Variants in SLC43A1 observed in about 807,000 individuals in gnomAD.
SLC43A1 encodes solute carrier family 43 member 1.
In SLC43A1, 31 loss-of-function variants were observed where a neutral mutation model predicts 59.5. That is an observed-to-expected ratio of 0.52 (90% CI 0.39 to 0.70). The LOEUF (loss-of-function observed/expected upper bound fraction) is 0.70. Among genes scored for constraint, SLC43A1 ranks in the 30% least tolerant of loss-of-function variants. The pLI, the probability that SLC43A1 is intolerant of heterozygous loss-of-function variation, is 0.00. For synonymous variants in SLC43A1, 259 were observed against 290.9 expected (o/e 0.89, Z 1.12); for missense variants, 598 against 717.8 (o/e 0.83, Z 1.91).
intron 6 of SLC43A1, 89 bp downstream of exon 6, chr11:57,497,664 C>T: frequency 1.1e-6 from 1 of 911,488 alleles, no homozygotes; most frequent in Non-Finnish European, 1.7e-6. Flanking sequence ...GCGGAGAAGT[C>T]AGACCCGTGG....
Position 57,515,068 on chromosome 11 carries a change from C to A in SLC43A1, c.-14+376G>T. ...CCGAGGAAAGCGGAGAGGAGAAGGG[C>A]AAGAAAGACCCAGAGAGAGGGGAGG... On this transcript the variant is annotated intron_variant, in intron 1 of 14. Transcript: ENST00000278426. This position sits in a 1 kb window ranked among gnomAD's most constrained non-coding sequence, Gnocchi z 5.3. 1 of 985,312 alleles carries A rather than the reference C, an allele frequency of 1.0e-6. No homozygotes were observed. Among genetic ancestry groups the A allele is most frequent in the Non-Finnish European group, 1.2e-6 (1 of 829,970 alleles). The allele number at this position is 985,312 out of a possible 1,614,324, so 61.0% of individuals were successfully genotyped here.
At chr11:57,497,966 C>T (rs1327044902) in intron 5 of SLC43A1, 121 bp from the exon 6 acceptor site, 2 of 668,776 alleles carry the variant, frequency 3.0e-6, no homozygotes, top group Non-Finnish European at 5.1e-6. Context: ...GTAAAACAAA[C>T]AGAAAAATCA....
intron 5 of SLC43A1, 21 bp from the exon 6 acceptor site, chr11:57,497,866 C>T: frequency 6.3e-7 from 1 of 1,598,492 alleles, no homozygotes; most frequent in Admixed American, 1.7e-5. Context: ...AAAGCAGCAC[C>T]CATGAGGTGG....
At chr11:57,506,408 C>G (rs1944396422) in intron 2 of SLC43A1, among the ~76,000 whole-genome samples, 1 of 152,096 alleles carries the variant, frequency 6.6e-6, no homozygotes, top group South Asian at 2.1e-4. Flanking sequence ...TGGTGGTGTG[C>G]ACCTGTAGTC....
intron 14 of SLC43A1, 147 bp from the exon 15 acceptor site, chr11:57,485,389 C>T (rs11229042): frequency 0.073 from 56,844 of 775,126 alleles, 2,653 homozygotes; most frequent in African/African-American, 0.17. Flanking sequence ...ATTGTTCCAC[C>T]AGTATCTCAC....
chr11:57,502,582 C>T (rs1328076043), intron 2 of SLC43A1, among the ~76,000 whole-genome samples: 1 of 152,140 alleles, frequency 6.6e-6, no homozygotes, highest in Non-Finnish European at 1.5e-5. Context: ...GCTAAAAGAA[C>T]AAACCAGGCC....
At chr11:57,492,450 A>G (rs1227951168) in intron 8 of SLC43A1, among the ~76,000 whole-genome samples, 8 of 135,342 alleles carry the variant, frequency 5.9e-5, no homozygotes, top group Non-Finnish European at 1.2e-4. Context: ...TATATAAAAT[A>G]TAATATAAAT....
At chr11:57,490,576 G>A (rs1319659768) in intron 11 of SLC43A1, among the ~76,000 whole-genome samples, 1 of 152,178 alleles carries the variant, frequency 6.6e-6, no homozygotes, top group African/African-American at 2.4e-5. Flanking sequence ...GAGGCCATGG[G>A]GGTAATTGAA....
At chr11:57,509,649 G>T (rs1180206189) in intron 2 of SLC43A1, among the ~76,000 whole-genome samples, 3 of 130,898 alleles carry the variant, frequency 2.3e-5, no homozygotes, top group Non-Finnish European at 5.0e-5. Context: ...AAGGAAGGAA[G>T]GAGGGAGGGA....
intron 2 of SLC43A1, among the ~76,000 whole-genome samples, chr11:57,502,655 G>C (rs1287829706): frequency 6.6e-6 from 1 of 152,100 alleles, no homozygotes; most frequent in Non-Finnish European, 1.5e-5. Context: ...TGCATCTCTT[G>C]AGCCCAGGAG....
rs917957499 is a variant in SLC43A1, at chr11:57,514,317, C to T, written c.-13-193G>A. On this transcript the variant is annotated intron_variant, in intron 1 of 14. Transcript: ENST00000278426. The surrounding 1 kb of genome is among the most constrained non-coding windows in gnomAD (Gnocchi z 5.5). ...GCACTAGCAGTGCCAGAGGTGCACG[C>T]GGCACGGGGCTCCCGCTGAGCCACT... 2 of 592,302 alleles carry T rather than the reference C, an allele frequency of 3.4e-6. No individual in the cohort carries two copies. The highest frequency in any genetic ancestry group is 5.8e-6 in the Non-Finnish European group (2 of 343,610). 36.7% of individuals were successfully genotyped at this position (592,302 alleles called of 1,614,324 possible).
Position 57,500,768 on chromosome 11 carries a change from G to C in SLC43A1, c.465+11C>G. 1.2e-6 allele frequency: 2 copies of C among 1,613,568 alleles called. No individual in the cohort carries two copies. The highest frequency in any genetic ancestry group is 1.7e-6 in the Non-Finnish European group (2 of 1,179,466). On this transcript the variant is annotated intron_variant, in intron 5 of 14. Coordinates refer to ENST00000278426, the MANE Select transcript of SLC43A1 (RefSeq NM_003627.6). ...GGAACTCTGCTGCCAGGCCAGGCCT[G>C]TGACACTCACCGTGAGTGAAGTGAA...
intron 13 of SLC43A1, 59 bp from the exon 14 acceptor site, chr11:57,487,277 C>T: frequency 1.3e-6 from 2 of 1,572,490 alleles, no homozygotes; most frequent in Non-Finnish European, 1.7e-6. Flanking sequence ...AGGCCAGCAC[C>T]TCTCCTATCC....
At chr11:57,489,940 G>C (rs138071801) in intron 11 of SLC43A1, among the ~76,000 whole-genome samples, 2 of 152,180 alleles carry the variant, frequency 1.3e-5, no homozygotes, top group African/African-American at 4.8e-5. Context: ...AGTAGGCTGG[G>C]GTGAGGACAG....
intron 2 of SLC43A1, among the ~76,000 whole-genome samples, chr11:57,509,689 AGAGG>A (rs1232680928): frequency 2.6e-5 from 2 of 77,136 alleles, no homozygotes; most frequent in African/African-American, 1.1e-4. Flanking sequence ...AGGGAGGGAG[AGAGG>A]GAGGGAGGGA....
At chr11:57,492,151 T>C (rs183429006) in intron 8 of SLC43A1, among the ~76,000 whole-genome samples, 209 of 151,248 alleles carry the variant, frequency 1.4e-3, no homozygotes, top group African/African-American at 4.5e-3. Context: ...GGAGGATCAC[T>C]TGAGCCCAGG....
chr11:57,499,877 C>A (rs1055045644), intron 5 of SLC43A1, among the ~76,000 whole-genome samples: 2 of 152,002 alleles, frequency 1.3e-5, no homozygotes, highest in Non-Finnish European at 2.9e-5. Context: ...GGCCAAGTTG[C>A]ACAGCAGGGA....
chr11:57,497,855 G>C lies in SLC43A1; in HGVS notation c.466-10C>G. 2 of 1,610,124 alleles carry C rather than the reference G, an allele frequency of 1.2e-6. No individual in the cohort carries two copies. The highest frequency in any genetic ancestry group is 1.7e-6 in the Non-Finnish European group (2 of 1,177,662). The stretch of plus-strand genomic sequence containing the variant: ...CAAACATGTTGGGCAGCTGAGGAGG[G>C]AAAGCAGCACCCATGAGGTGGGGAC... On this transcript the variant is annotated splice_polypyrimidine_tract_variant and intron_variant, in intron 5 of 14. Coordinates refer to ENST00000278426, the MANE Select transcript of SLC43A1 (RefSeq NM_003627.6).
rs1462020507 is a variant in SLC43A1, at chr11:57,493,556, T to C, written c.871+437A>G. Among the ~76,000 whole-genome samples the C allele has an allele frequency of 3.3e-5, 5 of 152,188 alleles. No homozygotes were observed. In the South Asian group the frequency reaches 6.2e-4, roughly 19 times the overall value. ...GGAGCTGGCGGTCCTGGGATCTTCA[T>C]GTACCCTCCTGAGAAGCAGCCCAGG... On this transcript the variant is annotated intron_variant, in intron 8 of 14. Coordinates refer to ENST00000278426, the MANE Select transcript of SLC43A1 (RefSeq NM_003627.6).
Sources: allele counts gnomAD v4.1 joint callset (sites outside exome capture counted in the v4.1 genomes callset), GRCh38; gene constraint gnomAD v4.1.1; non-coding constraint Gnocchi (gnomAD v3.1); transcripts MANE v1.5; gene names NCBI Gene and HGNC (gene_info 2026-07-23, HGNC 2026-07-21).